PTPRD: variants seen among roughly 807,000 people sequenced by gnomAD.
The protein encoded by PTPRD is receptor-type tyrosine-protein phosphatase delta.
A neutral mutation model predicts 214.5 loss-of-function variants in PTPRD; 34 were observed. The ratio of observed to expected loss-of-function variants is 0.16; its 90% CI spans 0.12 to 0.21. The LOEUF (loss-of-function observed/expected upper bound fraction) is 0.21, where lower values mean the gene tolerates loss of function less well. PTPRD is among the 10% of genes least tolerant of loss of function. The pLI, the probability that PTPRD is intolerant of heterozygous loss-of-function variation, is 1.00. For synonymous variants in PTPRD, 1,128 were observed against 845.7 expected (o/e 1.33, Z -5.79); for missense variants, 2,545 against 2,398.7 (o/e 1.06, Z -1.27).
At chr9:10,405,848 A>G (rs115079735) in intron 2 of PTPRD, among the ~76,000 whole-genome samples, 2,222 of 151,636 alleles carry the variant, frequency 0.015, 59 homozygotes, top group African/African-American at 0.051. Flanking sequence ...ATAAAATTTA[A>G]AAGAATTACT....
intron 3 of PTPRD, among the ~76,000 whole-genome samples, chr9:10,210,236 A>T (rs1444313217): frequency 6.1e-4 from 93 of 152,286 alleles, no homozygotes; most frequent in Non-Finnish European, 1.5e-5. Flanking sequence ...CATTTAAGAG[A>T]GTAATACCCA....
intron 2 of PTPRD, among the ~76,000 whole-genome samples, chr9:10,561,573 G>A (rs1052291740): frequency 6.6e-6 from 1 of 152,080 alleles, no homozygotes; most frequent in Non-Finnish European, 1.5e-5. Context: ...AGATTCAATA[G>A]AGACCAAATA....
At chr9:9,378,337 T>A (rs10816101) in intron 9 of PTPRD, among the ~76,000 whole-genome samples, 39,265 of 152,122 alleles carry the variant, frequency 0.26, 5,157 homozygotes, top group Middle Eastern at 0.38. Flanking sequence ...AAGTTTCTCC[T>A]TGTCTTTTCA....
chr9:9,208,020 C>CTTTTTTTTTTTTCTTTTT (rs2099946021), intron 9 of PTPRD, among the ~76,000 whole-genome samples: 1 of 53,260 alleles, frequency 1.9e-5, no homozygotes, highest in African/African-American at 5.4e-5. Context: ...TATATATCTG[C>CTTTTTTTTTTTTCTTTTT]TTTTTTTTTT....
intron 14 of PTPRD, among the ~76,000 whole-genome samples, chr9:8,598,176 T>G (rs2094575056): frequency 6.6e-6 from 1 of 152,134 alleles, no homozygotes; most frequent in African/African-American, 2.4e-5. Context: ...TTTTCTACAA[T>G]GAGATTATTG....
At chr9:9,070,967 G>C (rs2099742835) in intron 10 of PTPRD, among the ~76,000 whole-genome samples, 1 of 152,074 alleles carries the variant, frequency 6.6e-6, no homozygotes, top group African/African-American at 2.4e-5. Flanking sequence ...GCAGGCTGTA[G>C]TGCAGTGCCT....
chr9:9,163,242 A>T (rs2099894022), intron 10 of PTPRD, among the ~76,000 whole-genome samples: 1 of 152,112 alleles, frequency 6.6e-6, no homozygotes, highest in African/African-American at 2.4e-5. Context: ...TTCCTGGGAT[A>T]CTTGCCTAGA....
chr9:9,394,305 A>G (rs902595125), intron 9 of PTPRD, among the ~76,000 whole-genome samples: 4 of 152,154 alleles, frequency 2.6e-5, no homozygotes, highest in African/African-American at 7.2e-5. Context: ...ATCTCTCACT[A>G]GAAGGACATC....
At chr9:8,618,837 C>T (rs2095700711) in intron 14 of PTPRD, among the ~76,000 whole-genome samples, 1 of 148,184 alleles carries the variant, frequency 6.7e-6, no homozygotes, top group African/African-American at 2.5e-5. Flanking sequence ...GTTGAGACTA[C>T]AGGTGCATGC....
At chr9:9,190,791 A>G (rs927719983) in intron 9 of PTPRD, among the ~76,000 whole-genome samples, 1 of 152,116 alleles carries the variant, frequency 6.6e-6, no homozygotes, top group African/African-American at 2.4e-5. Context: ...TGATTGAGAA[A>G]TAGAACTATG....
At chr9:9,095,400 C>T (rs1207804623) in intron 10 of PTPRD, among the ~76,000 whole-genome samples, 1 of 152,138 alleles carries the variant, frequency 6.6e-6, no homozygotes, top group Non-Finnish European at 1.5e-5. Context: ...TTGCAGAATA[C>T]AAAGTCAACA....
chr9:8,854,397 CTT>C (rs202038248), intron 11 of PTPRD, among the ~76,000 whole-genome samples: 2,571 of 152,258 alleles, frequency 0.017, 37 homozygotes, highest in Non-Finnish European at 0.023. Context: ...TGAAATGACA[CTT>C]TTCATATGTG....
intron 8 of PTPRD, among the ~76,000 whole-genome samples, chr9:9,438,830 T>C (rs2086350352): frequency 6.6e-6 from 1 of 152,170 alleles, no homozygotes; most frequent in African/African-American, 2.4e-5. Context: ...AAATGCAATA[T>C]TCTAAATTGA....
At chr9:9,108,433 G>A (rs1327261677) in intron 10 of PTPRD, among the ~76,000 whole-genome samples, 7 of 152,008 alleles carry the variant, frequency 4.6e-5, no homozygotes, top group Non-Finnish European at 7.4e-5. Flanking sequence ...AACAATCCAT[G>A]GTAACAAATT....
intron 43 of PTPRD, among the ~76,000 whole-genome samples, chr9:8,335,076 G>T (rs993923271): frequency 1.3e-5 from 2 of 152,114 alleles, no homozygotes; most frequent in African/African-American, 4.8e-5. Flanking sequence ...GGTACAAAGA[G>T]GAGTTGGTAC....
chr9:8,508,252 G>A (rs980001091), intron 21 of PTPRD, among the ~76,000 whole-genome samples: 1 of 152,186 alleles, frequency 6.6e-6, no homozygotes, highest in African/African-American at 2.4e-5. Flanking sequence ...TTTATCAGCT[G>A]TAACAAAGAA....
intron 3 of PTPRD, among the ~76,000 whole-genome samples, chr9:10,048,119 C>G (rs986990312): frequency 6.6e-6 from 1 of 152,148 alleles, no homozygotes; most frequent in Admixed American, 6.6e-5. Flanking sequence ...CTACGTGAGA[C>G]AGATATTTGC....
chr9:9,219,401 T>A, intron 9 of PTPRD, among the ~76,000 whole-genome samples: 1 of 127,508 alleles, frequency 7.8e-6, no homozygotes, highest in Middle Eastern at 4.0e-3. Flanking sequence ...ATAATGCATC[T>A]TCTGTGCTTA....
intron 3 of PTPRD, among the ~76,000 whole-genome samples, chr9:10,250,777 T>G (rs547488070): frequency 6.6e-6 from 1 of 152,054 alleles, no homozygotes; most frequent in South Asian, 2.1e-4. Flanking sequence ...TTTATATGTT[T>G]TACTATATAT....
Sources: gnomAD v4.1 joint callset for allele counts (sites outside exome capture counted in the v4.1 genomes callset) on GRCh38, gnomAD v4.1.1 for gene constraint, MANE v1.5 for transcripts, NCBI Gene and HGNC (gene_info 2026-07-23, HGNC 2026-07-21) for gene names.